The following FAM120A variants were observed in gnomAD, a reference collection of about 807,000 sequenced individuals.
FAM120A encodes constitutive coactivator of PPAR-gamma-like protein 1.
Under a neutral mutation model 109.7 loss-of-function variants are expected in FAM120A, and 15 were observed. The observed-to-expected ratio is 0.14, with a 90% CI of 0.09 to 0.21. The LOEUF (loss-of-function observed/expected upper bound fraction) is 0.21. Among genes scored for constraint, FAM120A ranks in the 10% least tolerant of loss-of-function variants. The pLI is 1.00. For synonymous variants in FAM120A, 493 were observed against 572.8 expected (o/e 0.86, Z 1.99); for missense variants, 899 against 1,439.3 (o/e 0.62, Z 6.07).
intron 3 of FAM120A, among the ~76,000 whole-genome samples, chr9:93,491,600 T>C (rs1456314773): frequency 1.3e-5 from 2 of 152,204 alleles, no homozygotes; most frequent in Non-Finnish European, 2.9e-5. Flanking sequence ...AGGGGTAGGT[T>C]GAATCTTTCA....
chr9:93,552,951 CAGTT>C (rs1215099065), intron 12 of FAM120A, among the ~76,000 whole-genome samples: 4 of 152,208 alleles, frequency 2.6e-5, no homozygotes, highest in East Asian at 1.9e-4. Flanking sequence ...CCAGTGGTGA[CAGTT>C]AGGACTCTTG....
chr9:93,546,209 G>A (rs942079553), intron 11 of FAM120A, among the ~76,000 whole-genome samples: 9 of 152,248 alleles, frequency 5.9e-5, no homozygotes, highest in African/African-American at 1.9e-4. Flanking sequence ...TGGATTCTGT[G>A]AGATCAAATT....
At chr9:93,512,306 C>T (rs1194939037) in intron 5 of FAM120A, among the ~76,000 whole-genome samples, 1 of 152,104 alleles carries the variant, frequency 6.6e-6, no homozygotes, top group African/African-American at 2.4e-5. Context: ...TAATTCAGAG[C>T]AAAAGCCACA....
chr9:93,531,030 C>T (rs73651247), intron 9 of FAM120A: 8 of 152,288 alleles, frequency 5.3e-5, no homozygotes, highest in African/African-American at 1.9e-4. Flanking sequence ...TGTCTTTTCA[C>T]ATTTTAAAAT....
chr9:93,534,959 A>G (rs1564350169), intron 10 of FAM120A, among the ~76,000 whole-genome samples: 2 of 152,192 alleles, frequency 1.3e-5, no homozygotes, highest in African/African-American at 4.8e-5. Context: ...ATCATGGAGC[A>G]TGGGTATTTT....
At chr9:93,495,193 C>T (rs1424482908) in intron 3 of FAM120A, among the ~76,000 whole-genome samples, 1 of 152,198 alleles carries the variant, frequency 6.6e-6, no homozygotes, top group African/African-American at 2.4e-5. Flanking sequence ...CACTTAGAAC[C>T]CTGTGGAGGG....
At chr9:93,523,276 T>C (rs1450751490) in intron 7 of FAM120A, 2 of 1,285,908 alleles carry the variant, frequency 1.6e-6, no homozygotes, top group Non-Finnish European at 2.0e-6. Context: ...TCTTGTCCTT[T>C]AAGGCCTTTC....
At chr9:93,526,064 G>A (rs1861067989) in intron 7 of FAM120A, among the ~76,000 whole-genome samples, 1 of 152,234 alleles carries the variant, frequency 6.6e-6, no homozygotes. Context: ...TACAAAGGCA[G>A]GCCAGTTGAC....
At chr9:93,493,886 G>A (rs1001203142) in intron 3 of FAM120A, among the ~76,000 whole-genome samples, 4 of 152,218 alleles carry the variant, frequency 2.6e-5, no homozygotes, top group African/African-American at 9.6e-5. Flanking sequence ...CTCCTGGAGC[G>A]CTCTCTCAGT....
intron 2 of FAM120A, among the ~76,000 whole-genome samples, chr9:93,475,835 A>G (rs975975392): frequency 2.0e-5 from 3 of 152,346 alleles, no homozygotes; most frequent in Non-Finnish European, 4.4e-5. Context: ...TGCAGATTTC[A>G]CATTTGGTGT....
At chr9:93,516,347 G>T (rs1383272199) in intron 7 of FAM120A, 78 bp downstream of exon 7, 4 of 1,578,566 alleles carry the variant, frequency 2.5e-6, no homozygotes, top group Non-Finnish European at 3.4e-6. Flanking sequence ...TGCCAGCCCA[G>T]CTGGTGTTTT....
At chr9:93,455,732 G>T (rs189685609) in intron 1 of FAM120A, among the ~76,000 whole-genome samples, 2,394 of 151,662 alleles carry the variant, frequency 0.016, 47 homozygotes, top group Middle Eastern at 0.031. Context: ...GCGCGATCTC[G>T]GCTCACTGCA....
At chr9:93,545,533 C>T (rs2131526391) in intron 11 of FAM120A, among the ~76,000 whole-genome samples, 1 of 152,272 alleles carries the variant, frequency 6.6e-6, no homozygotes, top group East Asian at 1.9e-4. Context: ...CCTGTCTCAC[C>T]CTCTGGGCTG....
chr9:93,562,119 T>C (rs952006589), intron 16 of FAM120A, 89 bp from the exon 17 acceptor site: 19 of 1,114,776 alleles, frequency 1.7e-5, no homozygotes, highest in East Asian at 7.6e-5. Flanking sequence ...AAACGTAAGA[T>C]TGGATGGCTT....
Position 93,495,968 on chromosome 9 carries a change from A to G in FAM120A, c.805-1503A>G, listed in dbSNP as rs1367032702. ...TTCTAAATCCTTTGCTTTTATTTTG[A>G]TATCTTTGATAGCATCTTCACCAGA... On this transcript the variant is annotated intron_variant, in intron 3 of 17. Coordinates refer to ENST00000277165, the MANE Select transcript of FAM120A (RefSeq NM_014612.5). Among the ~76,000 whole-genome samples, 6 of 152,188 alleles carry G rather than the reference A, an allele frequency of 3.9e-5. No homozygotes were observed. The East Asian group carries it at 1.2e-3, about 29-fold the overall frequency.
intron 5 of FAM120A, among the ~76,000 whole-genome samples, chr9:93,499,816 G>A (rs1859723773): frequency 6.6e-6 from 1 of 152,196 alleles, no homozygotes; most frequent in Admixed American, 6.5e-5. Flanking sequence ...TTACTGGAAG[G>A]AGACTTTGTA....
At chr9:93,499,400 G>C (rs1440504097) in intron 5 of FAM120A, among the ~76,000 whole-genome samples, 1 of 151,800 alleles carries the variant, frequency 6.6e-6, no homozygotes, top group Non-Finnish European at 1.5e-5. Flanking sequence ...TGATTTTTGT[G>C]CCCCAGCCTC....
Position 93,562,241 on chromosome 9 carries a change from TAGA to T in FAM120A, c.2984_2986del (p.Arg995del), listed in dbSNP as rs1564363335. 1 of 1,614,184 alleles carries T rather than the reference TAGA, an allele frequency of 6.2e-7. No homozygotes were observed. The highest frequency in any genetic ancestry group is 8.5e-7 in the Non-Finnish European group (1 of 1,179,998). On this transcript the variant is annotated inframe_deletion, in exon 17 of 18. Transcript: ENST00000277165. Reference sequence around the variant, plus strand: ...GAGGAGTTATTTCCACCCCAGTGATTAGAACATTTGGAAGAGGTGGAAGGTACT... The same window carrying T: ...GAGGAGTTATTTCCACCCCAGTGATTACATTTGGAAGAGGTGGAAGGTACT...
chr9:93,504,761 G>A (rs937333303), intron 5 of FAM120A, among the ~76,000 whole-genome samples: 2 of 152,178 alleles, frequency 1.3e-5, no homozygotes, highest in African/African-American at 2.4e-5. Context: ...ATTGTTTCAT[G>A]TGACCTGATG....
Sources: gnomAD v4.1 joint callset for allele counts (sites outside exome capture counted in the v4.1 genomes callset) on GRCh38, gnomAD v4.1.1 for gene constraint, MANE v1.5 for transcripts, NCBI Gene and HGNC (gene_info 2026-07-23, HGNC 2026-07-21) for gene names.